Variants in PHF20 observed in about 807,000 individuals in gnomAD.
The protein encoded by PHF20 is PHD finger protein 20, also known as glioma-expressed antigen 2.
A neutral mutation model predicts 113.5 loss-of-function variants in PHF20; 23 were observed. The ratio of observed to expected loss-of-function variants is 0.20; its 90% CI spans 0.15 to 0.29. The LOEUF (loss-of-function observed/expected upper bound fraction) is 0.29. PHF20 is among the 10% of genes least tolerant of loss of function. The probability of loss-of-function intolerance (pLI) is 1.00; values close to 1 mark genes in which losing one functional copy is unlikely to be tolerated. For synonymous variants in PHF20, 434 were observed against 457.3 expected, an observed-to-expected ratio of 0.95 and a Z score of 0.65; for missense variants, 943 against 1,219.6, an observed-to-expected ratio of 0.77 and a Z score of 3.38.
At position 35,806,042 on chromosome 20, in the gene PHF20, T is replaced by C. The variant is rs556462699; in HGVS notation, c.83+4437T>C. 7.9e-5 allele frequency among the ~76,000 whole-genome samples: 12 copies of C among 152,118 alleles called. 1 individual carries two copies. Among genetic ancestry groups the C allele is most frequent in the African/African-American group, 2.9e-4 (12 of 41,514 alleles). On this transcript the variant is annotated intron_variant, in intron 2 of 17. Coordinates refer to ENST00000374012, the MANE Select transcript of PHF20 (RefSeq NM_016436.5). ...ACCACACCCAGCTAATTTTTGTATT[T>C]TTAGTAGAGACAGGGTTTCACTGTG...
At chr20:35,778,145 G>A (rs1164096847) in intron 1 of PHF20, among the ~76,000 whole-genome samples, 27 of 151,904 alleles carry the variant, frequency 1.8e-4, no homozygotes, top group Non-Finnish European at 1.3e-4. Flanking sequence ...GTGTAGTGGC[G>A]CAGTCTTGGC....
chr20:35,889,363 A>T (rs1201661804), intron 9 of PHF20, among the ~76,000 whole-genome samples: 3 of 147,688 alleles, frequency 2.0e-5, no homozygotes, highest in African/African-American at 5.0e-5. Context: ...TTTATTTTTT[A>T]TTTTTATTTT....
chr20:35,868,039 A>T (rs1189657473), intron 6 of PHF20, among the ~76,000 whole-genome samples: 1 of 152,138 alleles, frequency 6.6e-6, no homozygotes, highest in Non-Finnish European at 1.5e-5. Context: ...CACGCCTGTA[A>T]TCTCAGCACT....
At chr20:35,916,702 A>G (rs781677009) in intron 12 of PHF20, among the ~76,000 whole-genome samples, 5 of 152,120 alleles carry the variant, frequency 3.3e-5, no homozygotes, top group Non-Finnish European at 7.4e-5. Context: ...TCCTAGGCTC[A>G]AGTGATCGGC....
At chr20:35,915,423 G>C (rs2055386693) in intron 12 of PHF20, among the ~76,000 whole-genome samples, 1 of 152,022 alleles carries the variant, frequency 6.6e-6, no homozygotes, top group African/African-American at 2.4e-5. Context: ...GTCTCACTCT[G>C]TTGCCCAGGC....
At chr20:35,834,079 T>TAAAA (rs1296558496) in intron 2 of PHF20, among the ~76,000 whole-genome samples, 14 of 150,274 alleles carry the variant, frequency 9.3e-5, no homozygotes, top group African/African-American at 2.9e-4. Context: ...AATAAATAAA[T>TAAAA]AAATAAAAAG....
chr20:35,880,771 G>GCCAA (rs1240693506), intron 9 of PHF20, among the ~76,000 whole-genome samples: 6 of 152,112 alleles, frequency 3.9e-5, no homozygotes, highest in East Asian at 3.9e-4. Context: ...GACCAGCCTG[G>GCCAA]CCAACATAGT....
intron 2 of PHF20, among the ~76,000 whole-genome samples, chr20:35,817,091 TAA>T (rs1034264738): frequency 4.0e-5 from 6 of 150,394 alleles, no homozygotes; most frequent in African/African-American, 1.2e-4. Context: ...CGCCTGGCCA[TAA>T]GTGTTGTTGT....
chr20:35,775,552 G>A (rs1042741884), intron 1 of PHF20, among the ~76,000 whole-genome samples: 1 of 151,942 alleles, frequency 6.6e-6, no homozygotes, highest in Admixed American at 6.6e-5. Context: ...TCAGGAGTTC[G>A]AGACCAGTCT....
At chr20:35,784,219 A>C (rs111274201) in intron 1 of PHF20, among the ~76,000 whole-genome samples, 48 of 151,494 alleles carry the variant, frequency 3.2e-4, no homozygotes, top group Non-Finnish European at 6.8e-4. Flanking sequence ...ACGCCCGGCT[A>C]ATTTTTGTAT....
chr20:35,932,070 G>GTTT (rs200679606), intron 15 of PHF20, among the ~76,000 whole-genome samples: 1 of 139,340 alleles, frequency 7.2e-6, no homozygotes, highest in Non-Finnish European at 1.6e-5. Context: ...AGTTCTGAGT[G>GTTT]TTTTTTTTTT....
At chr20:35,936,433 C>G (rs2147123187) in intron 15 of PHF20, among the ~76,000 whole-genome samples, 1 of 152,244 alleles carries the variant, frequency 6.6e-6, no homozygotes, top group South Asian at 2.1e-4. Flanking sequence ...CGCTCTATGC[C>G]TTCATGTATA....
intron 14 of PHF20, chr20:35,928,738 G>C (rs549203508): frequency 1.1e-4 from 17 of 152,272 alleles, no homozygotes; most frequent in Admixed American, 3.9e-4. Context: ...GCTTTTGGGG[G>C]CTATTGGAGG....
chr20:35,814,690 G>A lies in PHF20; in HGVS notation c.83+13085G>A, dbSNP rs867376440. On this transcript the variant is annotated intron_variant, in intron 2 of 17. Transcript: ENST00000374012. The stretch of plus-strand genomic sequence containing the variant: ...AGATCGAGACCATCCCGGCTAAAAC[G>A]GTGAAACCCCGTCTCTACTAAAAAT... 1.4e-4 allele frequency among the ~76,000 whole-genome samples: 20 copies of A among 147,352 alleles called. 1 individual carries two copies. Among genetic ancestry groups the A allele is most frequent in the African/African-American group, 4.2e-4 (17 of 40,546 alleles).
At chr20:35,799,754 G>A (rs1342481100) in intron 1 of PHF20, among the ~76,000 whole-genome samples, 1 of 151,522 alleles carries the variant, frequency 6.6e-6, no homozygotes, top group Non-Finnish European at 1.5e-5. Context: ...TGCAACCTCC[G>A]CCTCCCAGGT....
chr20:35,873,494 A>T (rs1325316833), intron 9 of PHF20, among the ~76,000 whole-genome samples: 2 of 128,454 alleles, frequency 1.6e-5, no homozygotes, highest in Non-Finnish European at 1.6e-5. Flanking sequence ...TTTAAGACAG[A>T]GTCTTGCTCT....
intron 15 of PHF20, among the ~76,000 whole-genome samples, chr20:35,933,105 C>CTT (rs112208395): frequency 6.9e-6 from 1 of 144,300 alleles, no homozygotes. Flanking sequence ...CTAAATATTC[C>CTT]TTTTTTTTTT....
chr20:35,929,103 C>G (rs751465785), intron 14 of PHF20, among the ~76,000 whole-genome samples: 3 of 152,204 alleles, frequency 2.0e-5, no homozygotes, highest in Non-Finnish European at 4.4e-5. Context: ...CCTCTGCTTC[C>G]GTTACTCCTT....
intron 1 of PHF20, among the ~76,000 whole-genome samples, chr20:35,789,739 G>T (rs1189902654): frequency 6.6e-6 from 1 of 151,196 alleles, no homozygotes; most frequent in Non-Finnish European, 1.5e-5. Context: ...GTGGAGACAG[G>T]GTTTCACCAT....
Sources: allele counts gnomAD v4.1 joint callset (sites outside exome capture counted in the v4.1 genomes callset), GRCh38; gene constraint gnomAD v4.1.1; transcripts MANE v1.5; gene names NCBI Gene and HGNC (gene_info 2026-07-23, HGNC 2026-07-21).